EIF3D: variants seen among roughly 807,000 people sequenced by gnomAD.
EIF3D encodes eukaryotic translation initiation factor 3 subunit D.
EIF3D carries 10 observed loss-of-function variants against 75.4 expected under a neutral mutation model. The ratio of observed to expected loss-of-function variants is 0.13; its 90% confidence interval spans 0.08 to 0.22. The LOEUF is 0.22. EIF3D is among the 10% of genes least tolerant of loss of function. The probability of loss-of-function intolerance (pLI) is 1.00; values close to 1 mark genes in which losing one functional copy is unlikely to be tolerated. For synonymous variants in EIF3D, 246 were observed against 248.3 expected (o/e 0.99, Z 0.09); for missense variants, 394 against 708.0 (o/e 0.56, Z 5.03).
At chr22:36,525,941 G>T in intron 2 of EIF3D, 58 bp downstream of exon 2, 3 of 1,552,892 alleles carry the variant, frequency 1.9e-6, no homozygotes, top group Admixed American at 2.1e-5. Context: ...TCTAAACAGG[G>T]ACTCGAGAGT....
At chr22:36,512,319 C>A in intron 13 of EIF3D, 141 bp downstream of exon 13, 1 of 1,177,824 alleles carries the variant, frequency 8.5e-7, no homozygotes, top group Middle Eastern at 2.4e-4. Flanking sequence ...TGTCTCCTAA[C>A]TGACCCCTCC....
intron 6 of EIF3D, 72 bp downstream of exon 6, chr22:36,523,137 T>G (rs544908738): frequency 1.6e-6 from 2 of 1,218,818 alleles, no homozygotes; most frequent in South Asian, 2.4e-5. Context: ...ATATCTCATC[T>G]AAGCTATTAA....
intron 5 of EIF3D, among the ~76,000 whole-genome samples, 155 bp from the exon 6 acceptor site, chr22:36,523,436 G>A (rs762986124): frequency 3.9e-5 from 6 of 152,108 alleles, no homozygotes; most frequent in South Asian, 4.1e-4. Flanking sequence ...AGACCCAGAC[G>A]GTGCATACTG....
At chr22:36,512,380 C>T (rs571993331) in intron 13 of EIF3D, 80 bp downstream of exon 13, 29 of 1,562,616 alleles carry the variant, frequency 1.9e-5, no homozygotes, top group South Asian at 5.8e-5. Flanking sequence ...GTCCAGTACA[C>T]GGGGAGGGGA....
chr22:36,523,009 AG>A, intron 6 of EIF3D, 199 bp downstream of exon 6: 1 of 525,714 alleles, frequency 1.9e-6, no homozygotes, highest in South Asian at 2.0e-5. Flanking sequence ...AGATCAAGAC[AG>A]GGTGACTGCT....
intron 10 of EIF3D, among the ~76,000 whole-genome samples, 172 bp downstream of exon 10, chr22:36,517,129 A>T (rs934834805): frequency 6.6e-6 from 1 of 152,220 alleles, no homozygotes; most frequent in African/African-American, 2.4e-5. Flanking sequence ...AACTTTGTTC[A>T]AAGTCAGAGA....
intron 4 of EIF3D, 121 bp from the exon 5 acceptor site, chr22:36,524,101 T>G: frequency 3.1e-6 from 3 of 981,900 alleles, no homozygotes; most frequent in Admixed American, 1.9e-5. Flanking sequence ...CACATCTTAC[T>G]CTGTGCTTTC....
At chr22:36,523,120 G>T in intron 6 of EIF3D, 89 bp downstream of exon 6, 1 of 1,056,310 alleles carries the variant, frequency 9.5e-7, no homozygotes, top group Non-Finnish European at 1.5e-6. Flanking sequence ...TGTACGGTAT[G>T]TGAAGTATAT....
chr22:36,518,288 C>T (rs369250114), intron 9 of EIF3D, among the ~76,000 whole-genome samples: 42 of 151,502 alleles, frequency 2.8e-4, no homozygotes, highest in African/African-American at 9.9e-4. Flanking sequence ...GCCAGGAGTT[C>T]GAGACCAGCC....
intron 12 of EIF3D, among the ~76,000 whole-genome samples, chr22:36,515,902 C>T (rs377310828): frequency 1.2e-4 from 2 of 16,166 alleles, no homozygotes; most frequent in East Asian, 1.6e-3. Flanking sequence ...GGCGGGGGGG[C>T]GGATTGGGAG....
chr22:36,519,998 A>G (rs1192618946), intron 7 of EIF3D, among the ~76,000 whole-genome samples: 1 of 152,188 alleles, frequency 6.6e-6, no homozygotes, highest in Non-Finnish European at 1.5e-5. Context: ...TTTGCTCAGG[A>G]TGCCAGGAAA....
chr22:36,526,222 A>T, intron 1 of EIF3D, 91 bp from the exon 2 acceptor site: 1 of 1,366,354 alleles, frequency 7.3e-7, no homozygotes, highest in Non-Finnish European at 9.6e-7. Flanking sequence ...GACATAAATG[A>T]TAGAACTCAA....
intron 14 of EIF3D, 188 bp downstream of exon 14, chr22:36,511,315 C>T: frequency 8.2e-7 from 1 of 1,221,000 alleles, no homozygotes; most frequent in South Asian, 1.6e-5. Flanking sequence ...CGCTATCCTC[C>T]CCAACCACTT....
chr22:36,524,575 G>A (rs1159365885), intron 4 of EIF3D, 21 bp downstream of exon 4: 2 of 1,613,980 alleles, frequency 1.2e-6, no homozygotes. Context: ...AAGATGGTGT[G>A]GTTGCTGGCT....
At chr22:36,514,379 T>C (rs1934390188) in intron 12 of EIF3D, among the ~76,000 whole-genome samples, 1 of 152,186 alleles carries the variant, frequency 6.6e-6, no homozygotes, top group Non-Finnish European at 1.5e-5. Flanking sequence ...GCAGAACCTA[T>C]GGCTAGGATC....
At chr22:36,525,945 C>A in intron 2 of EIF3D, 54 bp downstream of exon 2, 7 of 1,558,252 alleles carry the variant, frequency 4.5e-6, no homozygotes, top group South Asian at 1.2e-5. Flanking sequence ...AACAGGGACT[C>A]GAGAGTAGCA....
At chr22:36,511,306 G>A (rs1333306735) in intron 14 of EIF3D, 197 bp downstream of exon 14, 3 of 1,135,776 alleles carry the variant, frequency 2.6e-6, no homozygotes, top group East Asian at 2.4e-5. Flanking sequence ...CTAAAACACC[G>A]CTATCCTCCC....
chr22:36,512,857 G>A (rs368660111), intron 12 of EIF3D: 1 of 371,574 alleles, frequency 2.7e-6, no homozygotes, highest in South Asian at 2.7e-5. Context: ...GGACACACAC[G>A]GACACACACA....
Position 36,520,601 on chromosome 22 carries a change from A to C in EIF3D, c.553T>G (p.Leu185Val), listed in dbSNP as rs201648054. 2 of 1,613,306 alleles carry C rather than the reference A, an allele frequency of 1.2e-6. No individual in the cohort carries two copies. Among genetic ancestry groups the C allele is most frequent in the Non-Finnish European group, 1.7e-6 (2 of 1,179,312 alleles). The part of the protein sequence containing the change: ...DFPQLMKMRY[L>V]EVSEPQDIEC... The stretch of plus-strand genomic sequence containing the variant: ...ATGTCCTGTGGCTCTGATACTTCCA[A>C]GTAGCGCATCTTCATCAACTGAGGA... The change falls in exon 7 of 15, where the codon TTG becomes GTG. Residue 185 changes from leucine to valine, a missense_variant. Coordinates refer to ENST00000216190, the MANE Select transcript of EIF3D (RefSeq NM_003753.4).
Sources: allele counts gnomAD v4.1 joint callset (sites outside exome capture counted in the v4.1 genomes callset), GRCh38; gene constraint gnomAD v4.1.1; transcripts MANE v1.5; gene names NCBI Gene and HGNC (gene_info 2026-07-23, HGNC 2026-07-21).